Variants in SH3YL1 observed in about 807,000 individuals in gnomAD.
SH3YL1 encodes the protein SH3 and SYLF domain containing 1.
In SH3YL1, 41 loss-of-function variants were observed where a neutral mutation model predicts 45.8. That is an observed-to-expected ratio of 0.89 (90% CI 0.70 to 1.16). The LOEUF (loss-of-function observed/expected upper bound fraction) is 1.16. Ranked by LOEUF, SH3YL1 falls within the 50% of genes most tolerant of loss-of-function variation. The probability of loss-of-function intolerance (pLI) is 0.00; values close to 1 mark genes in which losing one functional copy is unlikely to be tolerated. For missense variants in SH3YL1, 389 were observed against 409.6 expected (o/e 0.95, Z 0.43); for synonymous variants, 152 against 151.4 (o/e 1.00, Z -0.03).
chr2:228,259 T>C (rs1189736343), intron 8 of SH3YL1, among the ~76,000 whole-genome samples: 1 of 152,004 alleles, frequency 6.6e-6, no homozygotes, highest in African/African-American at 2.4e-5. Context: ...ACTGCCCATC[T>C]CCCCAAGAAA....
At chr2:246,426 G>A (rs1225732356) in intron 4 of SH3YL1, among the ~76,000 whole-genome samples, 1 of 152,104 alleles carries the variant, frequency 6.6e-6, no homozygotes, top group Non-Finnish European at 1.5e-5. Flanking sequence ...TCATTTCTGA[G>A]TCTCTCATCA....
chr2:219,058 T>C (rs766453503), intron 9 of SH3YL1, 57 bp from the exon 10 acceptor site: 142 of 1,451,966 alleles, frequency 9.8e-5, no homozygotes, highest in Non-Finnish European at 1.2e-4. Context: ...ATTGGGGGTA[T>C]CTGCTGGTAA....
At chr2:250,145 G>A (rs984120805) in intron 2 of SH3YL1, among the ~76,000 whole-genome samples, 1 of 151,962 alleles carries the variant, frequency 6.6e-6, no homozygotes, top group Non-Finnish European at 1.5e-5. Context: ...CTATTAGCAG[G>A]GCAAATATTT....
intron 2 of SH3YL1, 107 bp downstream of exon 2, chr2:252,898 G>T: frequency 1.5e-6 from 1 of 662,150 alleles, no homozygotes; most frequent in Non-Finnish European, 2.6e-6. Flanking sequence ...TGAACTACTT[G>T]TTGGCATTGA....
At chr2:240,293 G>A (rs1326588044) in intron 4 of SH3YL1, 1 of 152,320 alleles carries the variant, frequency 6.6e-6, no homozygotes, top group African/African-American at 2.4e-5. Context: ...CAAGAGAAGG[G>A]AGCCACTGCC....
In SH3YL1 at chr2:231,064, T is replaced by C; in HGVS notation, c.661A>G (p.Ile221Val). ...TCCCTTGCTGCTTTTCTTGCATTGA[T>C]TCGTTGTCCTTCATTTTCATACTTT... is the stretch of plus-strand genomic sequence containing the variant. The part of the protein sequence containing the change: ...TEKYENEGQR[I>V]NARKAAREQR... Residue 221 changes from isoleucine (I) to valine (V), a missense_variant, in exon 7 of 10, where the codon ATC (isoleucine) becomes GTC (valine). Coordinates refer to ENST00000356150, the MANE Select transcript of SH3YL1 (RefSeq NM_015677.4). 1 of 1,614,156 alleles carries C rather than the reference T, an allele frequency of 6.2e-7. No individual in the cohort carries two copies. The highest frequency in any genetic ancestry group is 1.1e-5 in the South Asian group (1 of 91,084).
At chr2:242,579 G>A (rs961780008) in intron 4 of SH3YL1, among the ~76,000 whole-genome samples, 12 of 152,026 alleles carry the variant, frequency 7.9e-5, no homozygotes, top group Non-Finnish European at 1.6e-4. Flanking sequence ...ATTGAAAACA[G>A]TAAAGTGGAA....
chr2:262,695 T>G, intron 1 of SH3YL1: 1 of 1,301,564 alleles, frequency 7.7e-7, no homozygotes, highest in Non-Finnish European at 1.0e-6. Context: ...TAGCAGTTAT[T>G]TCCCTTTGAC....
At chr2:236,607 G>A (rs1049802529) in intron 4 of SH3YL1, among the ~76,000 whole-genome samples, 1 of 152,202 alleles carries the variant, frequency 6.6e-6, no homozygotes, top group African/African-American at 2.4e-5. Context: ...TGGAAAATGG[G>A]TGTAATAATA....
intron 1 of SH3YL1, among the ~76,000 whole-genome samples, chr2:255,276 T>C (rs1452378773): frequency 2.6e-5 from 4 of 152,216 alleles, no homozygotes; most frequent in Non-Finnish European, 5.9e-5. Flanking sequence ...AAATGTGATA[T>C]ATTTTGGTGC....
intron 9 of SH3YL1, 27 bp downstream of exon 9, chr2:224,837 T>A: frequency 6.6e-7 from 1 of 1,520,430 alleles, no homozygotes; most frequent in African/African-American, 1.4e-5. Context: ...TATGAATCAT[T>A]TATAACATAT....
At chr2:238,730 G>A (rs1431207919) in intron 4 of SH3YL1, among the ~76,000 whole-genome samples, 1 of 152,162 alleles carries the variant, frequency 6.6e-6, no homozygotes, top group African/African-American at 2.4e-5. Context: ...TAAAGCAAAT[G>A]TAGCATTGTC....
intron 4 of SH3YL1, among the ~76,000 whole-genome samples, chr2:237,959 C>T (rs563122496): frequency 3.3e-5 from 5 of 152,302 alleles, no homozygotes; most frequent in Admixed American, 1.3e-4. Context: ...CTCTTCTCTG[C>T]GACTGAATTT....
intron 8 of SH3YL1, among the ~76,000 whole-genome samples, chr2:227,554 A>C (rs1252705347): frequency 1.3e-5 from 2 of 152,194 alleles, no homozygotes; most frequent in African/African-American, 4.8e-5. Context: ...GAGCAAAACA[A>C]ACCAACAAAT....
intron 4 of SH3YL1, among the ~76,000 whole-genome samples, chr2:237,299 T>A (rs1198560907): frequency 6.6e-6 from 1 of 152,040 alleles, no homozygotes; most frequent in Non-Finnish European, 1.5e-5. Context: ...TGGTCTGATC[T>A]CTCTTTAGTT....
At chr2:245,537 CTA>C (rs1668759541) in intron 4 of SH3YL1, among the ~76,000 whole-genome samples, 1 of 152,162 alleles carries the variant, frequency 6.6e-6, no homozygotes, top group Non-Finnish European at 1.5e-5. Flanking sequence ...TCATATAAGG[CTA>C]TCTTTAACTG....
intron 9 of SH3YL1, among the ~76,000 whole-genome samples, chr2:219,996 G>T (rs1235826369): frequency 6.6e-6 from 1 of 151,780 alleles, no homozygotes; most frequent in Non-Finnish European, 1.5e-5. Context: ...ATGAATAAAG[G>T]ACATTAAATA....
chr2:249,786 G>C lies in SH3YL1; in HGVS notation c.171C>G (p.Phe57Leu), dbSNP rs1356482917. The part of the protein sequence containing the change: ...LAILSVIKAG[F>L]LVTARGGSGI... Reference sequence around the variant, plus strand: ...CGCTGCCTCCTCTGGCAGTCACCAGGAACCCGGCTTTGATCACAGACAGAA... The same window carrying C: ...CGCTGCCTCCTCTGGCAGTCACCAGCAACCCGGCTTTGATCACAGACAGAA... Residue 57 changes from phenylalanine (F) to leucine (L), a missense_variant, in exon 3 of 10, where the codon TTC becomes TTG. Transcript: ENST00000356150. 1 of 1,551,968 alleles carries C rather than the reference G, an allele frequency of 6.4e-7. No homozygotes were observed. The highest frequency in any genetic ancestry group is 1.2e-5 in the South Asian group (1 of 84,062).
intron 5 of SH3YL1, among the ~76,000 whole-genome samples, chr2:233,671 G>C (rs1240076536): frequency 1.3e-5 from 2 of 152,128 alleles, no homozygotes; most frequent in East Asian, 3.8e-4. Context: ...TCTATAAATA[G>C]TGTGGGTATA....
Sources: allele counts gnomAD v4.1 joint callset (sites outside exome capture counted in the v4.1 genomes callset), GRCh38; gene constraint gnomAD v4.1.1; transcripts MANE v1.5; gene names NCBI Gene and HGNC (gene_info 2026-07-23, HGNC 2026-07-21).